Variants in LRP6 observed in about 807,000 individuals in gnomAD.
The protein encoded by LRP6 is low-density lipoprotein receptor-related protein 6.
A neutral mutation model predicts 184.1 loss-of-function variants in LRP6; 43 were observed. That is an observed-to-expected ratio of 0.23 (90% confidence interval 0.18 to 0.30). The LOEUF is 0.30. Among genes scored for constraint, LRP6 ranks in the 10% least tolerant of loss-of-function variants. The pLI is 1.00. For synonymous variants in LRP6, 719 were observed against 684.9 expected, an observed-to-expected ratio of 1.05 and a Z score of -0.78; for missense variants, 1,571 against 2,005.3, an observed-to-expected ratio of 0.78 and a Z score of 4.14.
intron 2 of LRP6, among the ~76,000 whole-genome samples, chr12:12,243,971 C>G (rs1204300613): frequency 6.6e-6 from 1 of 152,026 alleles, no homozygotes; most frequent in Non-Finnish European, 1.5e-5. Flanking sequence ...AAAGTCCCAG[C>G]TACTTGGGAG....
intron 2 of LRP6, among the ~76,000 whole-genome samples, chr12:12,238,669 T>C (rs1864982801): frequency 6.6e-6 from 1 of 152,140 alleles, no homozygotes; most frequent in African/African-American, 2.4e-5. Context: ...CTAATTATCA[T>C]TTCAAGAATG....
rs370216234 is a variant in LRP6 at position 12,266,642 on chromosome 12, C to T, written c.55+39G>A. The T allele has an allele frequency of 1.9e-6, 3 of 1,591,956 alleles. No individual in the cohort carries two copies. The African/African-American group carries it at 4.0e-5, about 21-fold the overall frequency. On this transcript the variant is annotated intron_variant, in intron 1 of 22. Coordinates refer to ENST00000261349, the MANE Select transcript of LRP6 (RefSeq NM_002336.3). ...CACATACAACAAGGCCACCTCCCCC[C>T]GAACCCCACCAACTTTCCAGTGCCC... is the stretch of plus-strand genomic sequence containing the variant.
chr12:12,155,079 T>C (rs10466846), intron 12 of LRP6, among the ~76,000 whole-genome samples: 128,824 of 151,946 alleles, frequency 0.85, 54,715 homozygotes, highest in East Asian at 0.94. Context: ...GCCTGTAAAC[T>C]CAGCTACTCA....
intron 7 of LRP6, among the ~76,000 whole-genome samples, chr12:12,175,267 T>C (rs1863143395): frequency 6.6e-6 from 1 of 152,032 alleles, no homozygotes; most frequent in South Asian, 2.1e-4. Flanking sequence ...CATGCGCCTG[T>C]AATCCCAGCT....
intron 2 of LRP6, chr12:12,210,787 T>C (rs936587642): frequency 7.2e-5 from 11 of 152,118 alleles, no homozygotes; most frequent in Admixed American, 2.0e-4. Context: ...CCAGTGAAAA[T>C]AGTTCTGATT....
At chr12:12,135,114 G>T in intron 17 of LRP6, 61 bp downstream of exon 17, 2 of 1,610,658 alleles carry the variant, frequency 1.2e-6, no homozygotes, top group South Asian at 2.2e-5. Flanking sequence ...TAGAAGTCTA[G>T]GCTTAAGATA....
At chr12:12,138,225 A>G in intron 16 of LRP6, 100 bp downstream of exon 16, 2 of 1,171,466 alleles carry the variant, frequency 1.7e-6, no homozygotes, top group Non-Finnish European at 1.3e-6. Context: ...AAAGTGCATG[A>G]AAGTCTTCAA....
In LRP6 at chr12:12,142,595, A is replaced by G. The variant is rs1465671098; in HGVS notation, c.3398-4061T>C. 2.6e-5 allele frequency among the ~76,000 whole-genome samples: 4 copies of G among 152,294 alleles called. No individual in the cohort carries two copies. The East Asian group carries it at 5.8e-4, about 22-fold the overall frequency. On this transcript the variant is annotated intron_variant, in intron 15 of 22. Coordinates refer to ENST00000261349, the MANE Select transcript of LRP6 (RefSeq NM_002336.3). ...AGTAACCTTTTTCAGAGAATAGAAA[A>G]AGAACAAACATTTCTTTTTATGTGG... is the stretch of plus-strand genomic sequence containing the variant.
intron 3 of LRP6, among the ~76,000 whole-genome samples, chr12:12,191,072 A>G (rs1463629505): frequency 1.3e-5 from 2 of 152,240 alleles, no homozygotes; most frequent in Non-Finnish European, 2.9e-5. Context: ...GACAGAACAC[A>G]TAAAACAGAC....
intron 2 of LRP6, among the ~76,000 whole-genome samples, chr12:12,239,530 G>C (rs1865007230): frequency 6.6e-6 from 1 of 152,082 alleles, no homozygotes; most frequent in Non-Finnish European, 1.5e-5. Flanking sequence ...TCACAAATTA[G>C]CTGACAAACC....
chr12:12,234,824 T>TC (rs1864891227), intron 2 of LRP6, among the ~76,000 whole-genome samples: 3 of 141,894 alleles, frequency 2.1e-5, no homozygotes, highest in African/African-American at 7.9e-5. Flanking sequence ...AGACTACGTC[T>TC]CAAAAAAAAA....
chr12:12,138,827 A>G, intron 15 of LRP6: 1 of 1,407,146 alleles, frequency 7.1e-7, no homozygotes, highest in Non-Finnish European at 9.5e-7. Flanking sequence ...TAACTTATAT[A>G]TACAACAGAT....
chr12:12,134,860 T>C (rs1354382896), intron 17 of LRP6, among the ~76,000 whole-genome samples: 1 of 152,134 alleles, frequency 6.6e-6, no homozygotes, highest in Non-Finnish European at 1.5e-5. Flanking sequence ...ATCCTGTCAT[T>C]TGCAACAACA....
intron 5 of LRP6, among the ~76,000 whole-genome samples, chr12:12,182,752 C>T (rs771129209): frequency 2.0e-5 from 3 of 152,152 alleles, no homozygotes; most frequent in East Asian, 1.9e-4. Flanking sequence ...TTCACTGCCC[C>T]GGCTAACAAC....
At chr12:12,183,928 T>A in intron 5 of LRP6, 52 bp downstream of exon 5, 5 of 1,544,892 alleles carry the variant, frequency 3.2e-6, no homozygotes, top group Non-Finnish European at 4.5e-6. Context: ...AAACAAATCA[T>A]GAAGAATTCC....
rs1865785551 is a variant in LRP6 at position 12,266,913 on chromosome 12, A to G, written c.-178T>C. On this transcript the variant is annotated 5_prime_UTR_variant, in exon 1 of 23. An upstream open reading frame in the 5' UTR loses its in-frame stop. Coordinates refer to ENST00000261349, the MANE Select transcript of LRP6 (RefSeq NM_002336.3). The stretch of plus-strand genomic sequence containing the variant: ...CGCGCGCGCCGCCGCCGCCCTCTCT[A>G]CCGCGCCGCTCGGCCCCGGGCTCGC... 3.1e-6 allele frequency: 2 copies of G among 635,356 alleles called. No individual in the cohort carries two copies. The highest frequency in any genetic ancestry group is 5.6e-6 in the Non-Finnish European group (2 of 355,928). 39.4% of individuals were successfully genotyped at this position (635,356 alleles called of 1,614,324 possible).
At chr12:12,210,453 C>A (rs1316606268) in intron 2 of LRP6, among the ~76,000 whole-genome samples, 1 of 151,928 alleles carries the variant, frequency 6.6e-6, no homozygotes, top group African/African-American at 2.4e-5. Flanking sequence ...GACCACCAGT[C>A]AATAGAATAA....
chr12:12,254,217 C>G (rs537228798), intron 1 of LRP6, among the ~76,000 whole-genome samples: 2 of 151,366 alleles, frequency 1.3e-5, no homozygotes, highest in Admixed American at 6.6e-5. Flanking sequence ...ACACAAGCGT[C>G]TGATGGCATC....
chr12:12,139,481 T>G (rs1216000488), intron 15 of LRP6, among the ~76,000 whole-genome samples: 1 of 152,136 alleles, frequency 6.6e-6, no homozygotes, highest in Non-Finnish European at 1.5e-5. Context: ...CTCAGTAATC[T>G]GGGAGGCTGA....
Sources: allele counts gnomAD v4.1 joint callset (sites outside exome capture counted in the v4.1 genomes callset), GRCh38; gene constraint gnomAD v4.1.1; transcripts MANE v1.5; gene names NCBI Gene and HGNC (gene_info 2026-07-23, HGNC 2026-07-21).